The following SI variants were observed in gnomAD, a reference collection of about 807,000 sequenced individuals.
The protein encoded by SI is sucrase-isomaltase, intestinal.
In SI, 235 loss-of-function variants were observed where a neutral mutation model predicts 253.3. The ratio of observed to expected loss-of-function variants is 0.93; its 90% confidence interval spans 0.83 to 1.03. The LOEUF is 1.03. Ranked by LOEUF, SI falls within the 50% of genes least tolerant of loss-of-function variation. The probability of loss-of-function intolerance (pLI) is 0.00; values close to 1 mark genes in which losing one functional copy is unlikely to be tolerated. For missense variants in SI, 2,442 were observed against 2,211.1 expected, an observed-to-expected ratio of 1.10 and a Z score of -2.09; for synonymous variants, 819 against 712.0, an observed-to-expected ratio of 1.15 and a Z score of -2.39.
At chr3:165,017,131 T>C (rs1008793676) in intron 31 of SI, among the ~76,000 whole-genome samples, 1 of 151,900 alleles carries the variant, frequency 6.6e-6, no homozygotes, top group African/African-American at 2.4e-5. Context: ...ACAACTATTA[T>C]CTATTCCAGG....
At chr3:164,993,602 G>A (rs1009280912) in intron 41 of SI, among the ~76,000 whole-genome samples, 2 of 151,348 alleles carry the variant, frequency 1.3e-5, no homozygotes, top group Admixed American at 6.6e-5. Flanking sequence ...ATTATTCGGG[G>A]TTTTTTTGTT....
chr3:164,982,117 A>G (rs960554745), intron 47 of SI, 126 bp downstream of exon 47: 1 of 695,688 alleles, frequency 1.4e-6, no homozygotes, highest in African/African-American at 1.8e-5. Flanking sequence ...GCCTAATGAA[A>G]AGGAATATAT....
intron 1 of SI, among the ~76,000 whole-genome samples, chr3:165,077,682 A>G (rs1715091292): frequency 1.3e-5 from 2 of 151,714 alleles, no homozygotes; most frequent in Non-Finnish European, 3.0e-5. Context: ...CATTTAGTGT[A>G]CAACTTTAAA....
At chr3:165,019,445 G>T (rs1719197205) in intron 28 of SI, among the ~76,000 whole-genome samples, 157 bp downstream of exon 28, 1 of 151,710 alleles carries the variant, frequency 6.6e-6, no homozygotes, top group Non-Finnish European at 1.5e-5. Flanking sequence ...TGACTTTTTG[G>T]GTTTGTTTCT....
chr3:165,004,428 T>C (rs1001401125), intron 37 of SI, among the ~76,000 whole-genome samples: 1 of 152,150 alleles, frequency 6.6e-6, no homozygotes, highest in Non-Finnish European at 1.5e-5. Flanking sequence ...TACTATATGA[T>C]TCAGCAGTCC....
chr3:165,076,065 AACC>A (rs1411228473), intron 1 of SI, 53 bp from the exon 2 acceptor site: 5 of 1,210,202 alleles, frequency 4.1e-6, no homozygotes, highest in Middle Eastern at 2.9e-4. Context: ...AACTATAATA[AACC>A]ACCAACAATT....
At chr3:165,049,931 G>T in intron 13 of SI, 56 bp from the exon 14 acceptor site, 2 of 1,058,164 alleles carry the variant, frequency 1.9e-6, no homozygotes, top group Non-Finnish European at 3.0e-6. Flanking sequence ...AATCCTATTA[G>T]CAGAAACTCT....
At chr3:165,058,853 C>CAT in intron 12 of SI, 110 bp downstream of exon 12, 1 of 578,930 alleles carries the variant, frequency 1.7e-6, no homozygotes. Context: ...GACTTGAAAG[C>CAT]AGACATACAC....
chr3:165,002,826 A>G (rs1196861598), intron 37 of SI, among the ~76,000 whole-genome samples: 1 of 151,822 alleles, frequency 6.6e-6, no homozygotes, highest in Non-Finnish European at 1.5e-5. Flanking sequence ...ACTGTATAAA[A>G]TAGGCTACTT....
chr3:165,017,638 A>G lies in SI; in HGVS notation c.3669T>C (p.Ala1223=). ...CATAACGACATAATTGGAATCCCAA[A>G]GCCCAATAAGCTGGCATGACTGGAT... ...IGHPVMPAYW[A]LGFQLCRYGY... Residue 1223 remains alanine, a synonymous_variant, in exon 31 of 48, where the codon GCT becomes GCC. Coordinates refer to ENST00000264382, the MANE Select transcript of SI (RefSeq NM_001041.4). 1 of 1,612,932 alleles carries G rather than the reference A, an allele frequency of 6.2e-7. No individual in the cohort carries two copies. Among genetic ancestry groups the G allele is most frequent in the South Asian group, 1.1e-5 (1 of 91,064 alleles).
At chr3:165,009,458 T>C (rs535670267) in intron 34 of SI, 63 bp from the exon 35 acceptor site, 35 of 878,736 alleles carry the variant, frequency 4.0e-5, no homozygotes, top group Non-Finnish European at 6.6e-5. Flanking sequence ...TACATATAAA[T>C]CTGAATGTAT....
the SI span, among the ~76,000 whole-genome samples, chr3:165,089,822 T>C: frequency 6.6e-6 from 1 of 150,818 alleles, no homozygotes; most frequent in Admixed American, 6.6e-5. Context: ...CTCTCCGTTC[T>C]CCGGCATGTA....
intron 40 of SI, 130 bp downstream of exon 40, chr3:164,996,405 A>G (rs1718009169): frequency 8.9e-6 from 6 of 672,268 alleles, no homozygotes; most frequent in Admixed American, 8.6e-5. Context: ...CCTCCAGACA[A>G]TTTCCTCACT....
At chr3:165,053,058 T>A (rs1576911686) in intron 13 of SI, among the ~76,000 whole-genome samples, 2 of 151,922 alleles carry the variant, frequency 1.3e-5, no homozygotes, top group Admixed American at 1.3e-4. Flanking sequence ...ATGGAAATGG[T>A]ATTTTAATTT....
At chr3:165,035,697 A>G (rs1712494472) in intron 22 of SI, among the ~76,000 whole-genome samples, 1 of 151,502 alleles carries the variant, frequency 6.6e-6, no homozygotes, top group Non-Finnish European at 1.5e-5. Context: ...TATAATTTTT[A>G]TACTCATATA....
At chr3:164,997,467 T>C (rs1289505284) in intron 38 of SI, among the ~76,000 whole-genome samples, 1 of 151,496 alleles carries the variant, frequency 6.6e-6, no homozygotes, top group East Asian at 1.9e-4. Flanking sequence ...CATCTATCAG[T>C]GATTTATATT....
intron 37 of SI, among the ~76,000 whole-genome samples, chr3:164,999,896 T>G (rs2108141614): frequency 6.6e-6 from 1 of 151,782 alleles, no homozygotes; most frequent in Non-Finnish European, 1.5e-5. Context: ...TTCTAAATTG[T>G]CACTCTTTTA....
intron 16 of SI, among the ~76,000 whole-genome samples, chr3:165,044,940 T>C (rs1336584230): frequency 6.6e-6 from 1 of 152,052 alleles, no homozygotes; most frequent in East Asian, 1.9e-4. Context: ...GTGTGAGAAA[T>C]TGACACATTT....
intron 32 of SI, 30 bp downstream of exon 32, chr3:165,015,922 A>G (rs775618542): frequency 1.2e-5 from 19 of 1,586,906 alleles, no homozygotes; most frequent in Non-Finnish European, 1.6e-5. Context: ...GAAACAAGAA[A>G]TAAGACTCAG....
Sources: allele counts gnomAD v4.1 joint callset (sites outside exome capture counted in the v4.1 genomes callset), GRCh38; gene constraint gnomAD v4.1.1; transcripts MANE v1.5; gene names NCBI Gene and HGNC (gene_info 2026-07-23, HGNC 2026-07-21).